Variants in ZNF333 observed in about 807,000 individuals in gnomAD.
ZNF333 encodes zinc finger protein 333.
In ZNF333, 61 loss-of-function variants were observed where a neutral mutation model predicts 76.1. The observed-to-expected ratio is 0.80, with a 90% CI of 0.65 to 0.99. The LOEUF (loss-of-function observed/expected upper bound fraction) is 0.99, where lower values mean the gene tolerates loss of function less well. Among genes scored for constraint, ZNF333 ranks in the 50% least tolerant of loss-of-function variants. The pLI, the probability that ZNF333 is intolerant of heterozygous loss-of-function variation, is 0.00. For missense variants in ZNF333, 717 were observed against 822.4 expected (o/e 0.87, Z 1.57); for synonymous variants, 284 against 305.0 (o/e 0.93, Z 0.72).
chr19:14,724,914 G>T (rs1306817162), downstream of ZNF333, among the ~76,000 whole-genome samples: 3 of 152,148 alleles, frequency 2.0e-5, no homozygotes, highest in Non-Finnish European at 4.4e-5. Flanking sequence ...CATAAATGTA[G>T]GCAAATACCA....
At chr19:14,694,452 G>A (rs1568520376) in intron 2 of ZNF333, among the ~76,000 whole-genome samples, 2 of 146,250 alleles carry the variant, frequency 1.4e-5, no homozygotes, top group Admixed American at 7.0e-5. Context: ...CAGCCTGGAC[G>A]ACAGAGCAAG....
rs1343685357 is a variant in ZNF333 at position 14,718,296 on chromosome 19, A to G, written c.969A>G (p.Glu323=). ...NELEKPFNSI[E]PLFQYQRIHA... ...TTGAGAAACCTTTTAACAGCATTGAACCACTTTTCCAGTACCAGAGAATTC... is the reference window on the plus strand; with the variant it reads ...TTGAGAAACCTTTTAACAGCATTGAGCCACTTTTCCAGTACCAGAGAATTC... Residue 323 remains glutamate, a synonymous_variant, in exon 12 of 12, where the codon GAA becomes GAG. Transcript: ENST00000292530. 1 of 1,614,186 alleles carries G rather than the reference A, an allele frequency of 6.2e-7. No individual in the cohort carries two copies. The highest frequency in any genetic ancestry group is 8.5e-7 in the Non-Finnish European group (1 of 1,180,026).
At chr19:14,698,935 T>TATAGATAGATAGATATAC in intron 4 of ZNF333, among the ~76,000 whole-genome samples, 1 of 139,364 alleles carries the variant, frequency 7.2e-6, no homozygotes, top group Non-Finnish European at 1.5e-5. Flanking sequence ...TATATATATA[T>TATAGATAGATAGATATAC]ACACACATAT....
At chr19:14,689,972 T>C (rs1370958035), upstream of ZNF333, 2 of 152,344 alleles carry the variant, frequency 1.3e-5, no homozygotes, top group African/African-American at 4.8e-5. Flanking sequence ...TTAGTTTCTC[T>C]GCCGCCGCCT....
Position 14,698,925 on chromosome 19 carries a change from T to TAG in ZNF333, c.224-273_224-272insGA, listed in dbSNP as rs1227508860. Reference sequence around the variant, plus strand: ...ATATATATATATATATATATATATATATATATATATACACACATATATATT... The same window carrying TAG: ...ATATATATATATATATATATATATATAGATATATATATACACACATATATATT... On this transcript the variant is annotated intron_variant, in intron 4 of 11. Transcript: ENST00000292530. Among the ~76,000 whole-genome samples, 26 of 85,164 alleles carry TAG rather than the reference T, an allele frequency of 3.1e-4. 1 individual carries two copies. Among genetic ancestry groups the TAG allele is most frequent in the African/African-American group, 9.6e-4 (22 of 22,802 alleles). The allele number at this position is 85,164 out of a possible 152,430, so 55.9% of individuals were successfully genotyped here.
In ZNF333 at chr19:14,705,284, A is replaced by G. The variant is rs564484442; in HGVS notation, c.423+114A>G. On this transcript the variant is annotated intron_variant, in intron 6 of 11. Transcript: ENST00000292530. ...GGAAAGGAGGGTGTTTGGGGCCTGT[A>G]GGAGGCCCAGGCTGTGGGCTTGGGG... is the stretch of plus-strand genomic sequence containing the variant. The G allele has an allele frequency of 5.1e-4, 436 of 857,534 alleles. 2 individuals are homozygous for G. In the African/African-American group the frequency reaches 5.6e-3, roughly 11 times the overall value. 53.1% of individuals were successfully genotyped at this position (857,534 alleles called of 1,614,324 possible). A position where few individuals can be genotyped will look rare whatever the true frequency, so the allele number is the denominator to read the frequency against.
intron 4 of ZNF333, among the ~76,000 whole-genome samples, chr19:14,698,306 G>T (rs1449405242): frequency 6.6e-6 from 1 of 151,292 alleles, no homozygotes; most frequent in Non-Finnish European, 1.5e-5. Context: ...CCTGGGAGGC[G>T]GAGGTTGCAG....
chr19:14,712,705 C>T (rs1426009780), intron 7 of ZNF333, among the ~76,000 whole-genome samples: 1 of 152,124 alleles, frequency 6.6e-6, no homozygotes, highest in African/African-American at 2.4e-5. Context: ...CCGTCTCTGC[C>T]TGTGTTGCCT....
rs766837067 is a variant in ZNF333 at position 14,720,467 on chromosome 19, C to G, written c.*1142C>G. On this transcript the variant is annotated 3_prime_UTR_variant, in exon 12 of 12. Coordinates refer to ENST00000292530, the MANE Select transcript of ZNF333 (RefSeq NM_032433.4). The stretch of plus-strand genomic sequence containing the variant: ...GTGGCCGGAAGTCATAACCATCTTG[C>G]TTCTGTAATCTAAAAAATATTTAGG... The G allele has an allele frequency of 1.6e-5, 16 of 985,270 alleles. No homozygotes were observed. Among genetic ancestry groups the G allele is most frequent in the Non-Finnish European group, 1.9e-5 (16 of 829,948 alleles). The allele number at this position is 985,270 out of a possible 1,614,324, so 61.0% of individuals were successfully genotyped here.
In ZNF333 at chr19:14,699,257, A is replaced by G. The variant is rs1973508337; in HGVS notation, c.282A>G (p.Glu94=). Residue 94 remains glutamate, a synonymous_variant, in exon 5 of 12, where the codon GAA becomes GAG. Transcript: ENST00000292530. ...CTTCTATGCAGGATCTTTTGGAAGA[A>G]GCATCCTCCAGGGACATGCAAATGG... The part of the protein sequence containing the change: ...ELPSMQDLLE[E]ASSRDMQMGP... 1 of 1,613,802 alleles carries G rather than the reference A, an allele frequency of 6.2e-7. No homozygotes were observed. Among genetic ancestry groups the G allele is most frequent in the Admixed American group, 1.7e-5 (1 of 59,992 alleles).
Position 14,707,891 on chromosome 19 carries a change from T to C in ZNF333, c.511+1118T>C, listed in dbSNP as rs1327758422. The C allele has an allele frequency of 1.6e-4, 63 of 400,142 alleles. 1 individual carries two copies. In the East Asian group the frequency reaches 2.2e-3, roughly 14 times the overall value. 24.8% of individuals were successfully genotyped at this position (400,142 alleles called of 1,614,324 possible). ...TAAAAGTGCCATCCACTCTTGTGTC[T>C]GGAATCTCTGTTTTCTTCTTGACAG... On this transcript the variant is annotated intron_variant, in intron 7 of 11. Transcript: ENST00000292530.
intron 10 of ZNF333, 62 bp from the exon 11 acceptor site, chr19:14,717,595 G>T: frequency 6.8e-7 from 1 of 1,462,896 alleles, no homozygotes. Context: ...CTTTTGAGGT[G>T]ACCTTGATCC....
Position 14,720,678 on chromosome 19 carries a change from A to C in ZNF333, c.*1353A>C. ...CTAACTGATGCACTTAGTATATGTC[A>C]GTTTTTATAAATGCTTCATGGATGG... On this transcript the variant is annotated 3_prime_UTR_variant, in exon 12 of 12. Coordinates refer to ENST00000292530, the MANE Select transcript of ZNF333 (RefSeq NM_032433.4). The C allele has an allele frequency of 5.1e-6, 5 of 985,386 alleles. No homozygotes were observed. Among genetic ancestry groups the C allele is most frequent in the Non-Finnish European group, 4.8e-6 (4 of 829,920 alleles). The allele number at this position is 985,386 out of a possible 1,614,324, so 61.0% of individuals were successfully genotyped here. A position where few individuals can be genotyped will look rare whatever the true frequency, so the allele number is the denominator to read the frequency against.
intron 5 of ZNF333, among the ~76,000 whole-genome samples, chr19:14,704,293 CT>C (rs565211153): frequency 1.5e-4 from 22 of 151,272 alleles, no homozygotes; most frequent in Non-Finnish European, 3.0e-4. Context: ...TGTACCCTGA[CT>C]TTTTTTTTAA....
At chr19:14,726,005 T>C (rs544142057), downstream of ZNF333, among the ~76,000 whole-genome samples, 7 of 152,306 alleles carry the variant, frequency 4.6e-5, no homozygotes, top group African/African-American at 1.2e-4. Context: ...TGCCCCAATG[T>C]CAGTCTCCTT....
At chr19:14,722,772 CTGTT>C (rs1431494088), downstream of ZNF333, among the ~76,000 whole-genome samples, 27 of 152,050 alleles carry the variant, frequency 1.8e-4, no homozygotes, top group South Asian at 2.1e-4. Flanking sequence ...GAGTTAATTT[CTGTT>C]TGTTTGTTTG....
intron 5 of ZNF333, among the ~76,000 whole-genome samples, chr19:14,699,795 TTCC>T (rs1222568481): frequency 2.6e-5 from 4 of 152,090 alleles, no homozygotes. Flanking sequence ...GAAATACGAC[TTCC>T]TCCTCAGCAA....
chr19:14,715,153 G>A (rs150893875), intron 7 of ZNF333: 11 of 502,092 alleles, frequency 2.2e-5, no homozygotes, highest in South Asian at 1.0e-4. Context: ...ATATGTGTGC[G>A]TGTTTGTGTG....
At chr19:14,715,715 T>C (rs1319285761) in intron 8 of ZNF333, among the ~76,000 whole-genome samples, 1 of 152,176 alleles carries the variant, frequency 6.6e-6, no homozygotes, top group African/African-American at 2.4e-5. Flanking sequence ...CCTCATTTTG[T>C]GGTCTTCATG....
Sources: gnomAD v4.1 joint callset for allele counts (sites outside exome capture counted in the v4.1 genomes callset) on GRCh38, gnomAD v4.1.1 for gene constraint, MANE v1.5 for transcripts, NCBI Gene and HGNC (gene_info 2026-07-23, HGNC 2026-07-21) for gene names.